Variants in HS6ST3 observed in about 807,000 individuals in gnomAD.
The protein encoded by HS6ST3 is heparan-sulfate 6-O-sulfotransferase 3.
HS6ST3 carries 12 observed loss-of-function variants against 36.7 expected under a neutral mutation model. That is an observed-to-expected ratio of 0.33 (90% CI 0.21 to 0.53). The LOEUF (loss-of-function observed/expected upper bound fraction) is 0.53. Among genes scored for constraint, HS6ST3 ranks in the 20% least tolerant of loss-of-function variants. HS6ST3 has a pLI of 0.95. For synonymous variants in HS6ST3, 240 were observed against 257.5 expected, an observed-to-expected ratio of 0.93 and a Z score of 0.65; for missense variants, 584 against 640.9, an observed-to-expected ratio of 0.91 and a Z score of 0.96.
chr13:96,113,167 A>G (rs918294489), intron 1 of HS6ST3, among the ~76,000 whole-genome samples: 12 of 152,292 alleles, frequency 7.9e-5, no homozygotes, highest in African/African-American at 2.4e-4. Flanking sequence ...AGGATGAGTC[A>G]CACAAACACG....
At chr13:96,313,229 G>A (rs192881541) in intron 1 of HS6ST3, among the ~76,000 whole-genome samples, 182 of 151,764 alleles carry the variant, frequency 1.2e-3, no homozygotes, top group African/African-American at 4.0e-3. Flanking sequence ...TATTATTTTA[G>A]GATTTCCTTT....
At chr13:96,310,292 A>G (rs910773299) in intron 1 of HS6ST3, among the ~76,000 whole-genome samples, 1 of 152,216 alleles carries the variant, frequency 6.6e-6, no homozygotes, top group Non-Finnish European at 1.5e-5. Context: ...CTTCAATGAC[A>G]TTAGAATAAC....
chr13:96,096,468 T>C (rs1212933371), intron 1 of HS6ST3, among the ~76,000 whole-genome samples: 1 of 152,208 alleles, frequency 6.6e-6, no homozygotes, highest in Admixed American at 6.5e-5. Context: ...AGTTCTAATG[T>C]AAGCTGAGTG....
intron 1 of HS6ST3, among the ~76,000 whole-genome samples, chr13:96,753,379 C>T (rs1307198759): frequency 6.6e-6 from 1 of 152,152 alleles, no homozygotes; most frequent in East Asian, 1.9e-4. Flanking sequence ...ATAGTTATGA[C>T]TTCTTTGATG....
intron 1 of HS6ST3, among the ~76,000 whole-genome samples, chr13:96,308,921 G>T (rs903179058): frequency 6.6e-6 from 1 of 152,076 alleles, no homozygotes. Flanking sequence ...TTCCTGGGAA[G>T]ATTAGGAAAA....
intron 1 of HS6ST3, among the ~76,000 whole-genome samples, chr13:96,431,660 A>T (rs2055616171): frequency 6.6e-6 from 1 of 152,208 alleles, no homozygotes; most frequent in Non-Finnish European, 1.5e-5. Flanking sequence ...CACCTTCTTT[A>T]TGCTCTTGGG....
intron 1 of HS6ST3, among the ~76,000 whole-genome samples, chr13:96,793,647 T>G (rs1298937889): frequency 6.6e-6 from 1 of 152,108 alleles, no homozygotes; most frequent in African/African-American, 2.4e-5. Context: ...TTTACCTCAA[T>G]GTTTCCTGCC....
At chr13:96,324,518 C>A (rs544460702) in intron 1 of HS6ST3, among the ~76,000 whole-genome samples, 1 of 152,198 alleles carries the variant, frequency 6.6e-6, no homozygotes, top group Non-Finnish European at 1.5e-5. Flanking sequence ...TAGTTAGTAC[C>A]TGTTAGGGGT....
intron 1 of HS6ST3, among the ~76,000 whole-genome samples, chr13:96,195,252 T>C (rs1324513118): frequency 6.6e-6 from 1 of 152,242 alleles, no homozygotes; most frequent in East Asian, 1.9e-4. Flanking sequence ...AGATGGAACA[T>C]GTTTTTTTGC....
chr13:96,374,019 A>C (rs972117688), intron 1 of HS6ST3, among the ~76,000 whole-genome samples: 1 of 152,158 alleles, frequency 6.6e-6, no homozygotes, highest in Non-Finnish European at 1.5e-5. Flanking sequence ...TTATAAAGTT[A>C]TTTGGTCTGG....
chr13:96,552,608 C>T (rs7326887), intron 1 of HS6ST3, among the ~76,000 whole-genome samples: 3 of 152,102 alleles, frequency 2.0e-5, no homozygotes, highest in South Asian at 2.1e-4. Flanking sequence ...CTGGACATCC[C>T]GGCCAGCAAG....
chr13:96,468,477 TACACACACACAC>T (rs3051066), intron 1 of HS6ST3, among the ~76,000 whole-genome samples: 178 of 126,368 alleles, frequency 1.4e-3, no homozygotes, highest in East Asian at 6.3e-3. Context: ...CATACACACA[TACACACACACAC>T]ACACACACAC....
intron 1 of HS6ST3, among the ~76,000 whole-genome samples, chr13:96,580,210 A>G (rs1683895247): frequency 1.4e-5 from 2 of 147,386 alleles, no homozygotes; most frequent in South Asian, 2.1e-4. Flanking sequence ...ATATATATAT[A>G]TATATATATA....
chr13:96,177,881 C>T (rs1411090363), intron 1 of HS6ST3, among the ~76,000 whole-genome samples: 1 of 152,046 alleles, frequency 6.6e-6, no homozygotes, highest in East Asian at 1.9e-4. Flanking sequence ...AATGTATGCT[C>T]CTTGTTTTGG....
At chr13:96,770,630 G>A (rs1241849351) in intron 1 of HS6ST3, among the ~76,000 whole-genome samples, 1 of 152,212 alleles carries the variant, frequency 6.6e-6, no homozygotes, top group Non-Finnish European at 1.5e-5. Context: ...AGATTCTATG[G>A]CACAGTGGGC....
intron 1 of HS6ST3, among the ~76,000 whole-genome samples, chr13:96,103,099 C>T (rs2053825495): frequency 6.6e-6 from 1 of 152,056 alleles, no homozygotes; most frequent in African/African-American, 2.4e-5. Flanking sequence ...TAACCATTTA[C>T]AGTAATGCCC....
chr13:96,558,531 C>T (rs2056249779), intron 1 of HS6ST3, among the ~76,000 whole-genome samples: 1 of 152,116 alleles, frequency 6.6e-6, no homozygotes, highest in South Asian at 2.1e-4. Context: ...ATTTACAAGG[C>T]ATGTAATAAT....
In HS6ST3 at chr13:96,165,141, A is replaced by G. The variant is rs1391175543; in HGVS notation, c.707+73572A>G. On this transcript the variant is annotated intron_variant, in intron 1 of 1. Coordinates refer to ENST00000376705, the MANE Select transcript of HS6ST3 (RefSeq NM_153456.4). The stretch of plus-strand genomic sequence containing the variant: ...TTGGAGTGGCAAAGAATATGTAAGG[A>G]GTTACATAATTTTCTTTTTTTAAAA... Among the ~76,000 whole-genome samples the G allele has an allele frequency of 2.0e-5, 3 of 152,326 alleles. No homozygotes were observed. The East Asian group carries it at 5.8e-4, about 29-fold the overall frequency.
Position 96,834,780 on chromosome 13 carries a change from C to G in HS6ST3, c.*1582C>G, listed in dbSNP as rs1308905583. 3 of 152,606 alleles carry G rather than the reference C, an allele frequency of 2.0e-5. No individual in the cohort carries two copies. Among genetic ancestry groups the G allele is most frequent in the African/African-American group, 7.2e-5 (3 of 41,440 alleles). The allele number at this position is 152,606 out of a possible 1,614,324, so 9.5% of individuals were successfully genotyped here. A position where few individuals can be genotyped will look rare whatever the true frequency, so the allele number is the denominator to read the frequency against. ...CTTCTCAGCCTCCAGAATACTCTCTCTGGGGTTGTGAGTCAGTCAGCCCAC... is the reference window on the plus strand; with the variant it reads ...CTTCTCAGCCTCCAGAATACTCTCTGTGGGGTTGTGAGTCAGTCAGCCCAC... On this transcript the variant is annotated 3_prime_UTR_variant, in exon 2 of 2. Transcript: ENST00000376705.
Sources: allele counts gnomAD v4.1 joint callset (sites outside exome capture counted in the v4.1 genomes callset), GRCh38; gene constraint gnomAD v4.1.1; transcripts MANE v1.5; gene names NCBI Gene and HGNC (gene_info 2026-07-23, HGNC 2026-07-21).